The following SMPD4 variants were observed in gnomAD, a reference collection of about 807,000 sequenced individuals.
SMPD4 encodes the protein sphingomyelin phosphodiesterase 4.
In SMPD4, 58 loss-of-function variants were observed where a neutral mutation model predicts 97.8. The ratio of observed to expected loss-of-function variants is 0.59; its 90% CI spans 0.48 to 0.74. The LOEUF is 0.74. Among genes scored for constraint, SMPD4 ranks in the 30% least tolerant of loss-of-function variants. SMPD4 has a pLI of 0.00. For missense variants in SMPD4, 853 were observed against 1,080.5 expected, an observed-to-expected ratio of 0.79 and a Z score of 2.95; for synonymous variants, 388 against 450.0, an observed-to-expected ratio of 0.86 and a Z score of 1.74.
At chr2:130,157,516 G>A in intron 11 of SMPD4, 120 bp from the exon 12 acceptor site, 4 of 1,519,270 alleles carry the variant, frequency 2.6e-6, no homozygotes, top group East Asian at 2.4e-5. Flanking sequence ...CGGGAGGCAT[G>A]AGCCAGGCCA....
chr2:130,170,458 C>CAAAAAAAAAAAAAAAAAAAAAAAA (rs556058599), intron 8 of SMPD4, among the ~76,000 whole-genome samples: 3 of 64,674 alleles, frequency 4.6e-5, no homozygotes, highest in African/African-American at 6.2e-5. Context: ...AAGACCCTGT[C>CAAAAAAAAAAAAAAAAAAAAAAAA]AAAAAAAAAA....
In SMPD4 at chr2:130,152,322, C is replaced by A. The variant is rs1342201409; in HGVS notation, c.*233G>T. On this transcript the variant is annotated 3_prime_UTR_variant, in exon 20 of 20. Coordinates refer to ENST00000680298, the MANE Select transcript of SMPD4 (RefSeq NM_017951.5). ...AGGGAAAGGCCGCCGCTGAGCTCTGCGCTGTCACAGAGCGTAGCTGTTGAG... is the reference window on the plus strand; with the variant it reads ...AGGGAAAGGCCGCCGCTGAGCTCTGAGCTGTCACAGAGCGTAGCTGTTGAG... 1.4e-5 allele frequency: 8 copies of A among 554,960 alleles called. No individual in the cohort carries two copies. The highest frequency in any genetic ancestry group is 6.5e-5 in the Admixed American group (2 of 30,960). The allele number at this position is 554,960 out of a possible 1,614,324, so 34.4% of individuals were successfully genotyped here.
rs1686280191 is a variant in SMPD4, at chr2:130,151,876, T to C, written c.*679A>G. The C allele has an allele frequency of 6.6e-6, 1 of 152,352 alleles. No homozygotes were observed. The allele number at this position is 152,352 out of a possible 1,614,324, so 9.4% of individuals were successfully genotyped here. On this transcript the variant is annotated 3_prime_UTR_variant, in exon 20 of 20. Transcript: ENST00000680298. ...TGTGACAAGGCACAGGGGTCCGCGA[T>C]GTTGGCCACTGCTTTGGGTGATGTG... is the stretch of plus-strand genomic sequence containing the variant.
rs1489512582 is a variant in SMPD4 at position 130,172,434 on chromosome 2, G to A, written c.574C>T (p.Leu192=). Reference sequence around the variant, plus strand: ...CCTTCGGTGGGCAGGAACCATGACAGGTACCTGTCCACCAGGATGAAATAG... The same window carrying A: ...CCTTCGGTGGGCAGGAACCATGACAAGTACCTGTCCACCAGGATGAAATAG... ...CAYFILVDRY[L]SWFLPTEGSV... Residue 192 remains leucine, a synonymous_variant, in exon 8 of 20, where the codon CTG becomes TTG. Transcript: ENST00000680298. 1.2e-6 allele frequency: 2 copies of A among 1,612,390 alleles called. No individual in the cohort carries two copies. Among genetic ancestry groups the A allele is most frequent in the South Asian group, 2.2e-5 (2 of 90,832 alleles).
intron 8 of SMPD4, among the ~76,000 whole-genome samples, chr2:130,171,121 A>C (rs1688417056): frequency 7.4e-6 from 1 of 134,298 alleles, no homozygotes; most frequent in African/African-American, 3.3e-5. Context: ...AACCATATAT[A>C]TATAATTTCT....
Position 130,154,700 on chromosome 2 carries a change from G to A in SMPD4, c.1454-218C>T, listed in dbSNP as rs191950713. On this transcript the variant is annotated intron_variant, in intron 15 of 19. Coordinates refer to ENST00000680298, the MANE Select transcript of SMPD4 (RefSeq NM_017951.5). ...GCTCACAGAGCCCCTAGCAGTGTCTGCAGGAGGTAAACAACAGGAGGATCG... is the reference window on the plus strand; with the variant it reads ...GCTCACAGAGCCCCTAGCAGTGTCTACAGGAGGTAAACAACAGGAGGATCG... 3.3e-5 allele frequency: 20 copies of A among 610,280 alleles called. No homozygotes were observed. In the African/African-American group the frequency reaches 3.3e-4, roughly 10 times the overall value. 37.8% of individuals were successfully genotyped at this position (610,280 alleles called of 1,614,324 possible). A position where few individuals can be genotyped will look rare whatever the true frequency, so the allele number is the denominator to read the frequency against.
At chr2:130,178,944 TAC>T (rs990219676) in intron 1 of SMPD4, among the ~76,000 whole-genome samples, 3 of 152,152 alleles carry the variant, frequency 2.0e-5, no homozygotes, top group Non-Finnish European at 2.9e-5. Flanking sequence ...GTGGGCTAGT[TAC>T]AGTTTTCATG....
Position 130,152,298 on chromosome 2 carries a change from G to A in SMPD4, c.*257C>T, listed in dbSNP as rs1368246808. 2 of 433,528 alleles carry A rather than the reference G, an allele frequency of 4.6e-6. No homozygotes were observed. The highest frequency in any genetic ancestry group is 8.2e-6 in the Non-Finnish European group (2 of 244,450). 26.9% of individuals were successfully genotyped at this position (433,528 alleles called of 1,614,324 possible). Reference sequence around the variant, plus strand: ...TGGCCGTGAGTCCTTGGCGGAGGGAGGGAAAGGCCGCCGCTGAGCTCTGCG... The same window carrying A: ...TGGCCGTGAGTCCTTGGCGGAGGGAAGGAAAGGCCGCCGCTGAGCTCTGCG... On this transcript the variant is annotated 3_prime_UTR_variant, in exon 20 of 20. Coordinates refer to ENST00000680298, the MANE Select transcript of SMPD4 (RefSeq NM_017951.5).
rs775721583 is a variant in SMPD4, at chr2:130,157,251, C to T, written c.1097G>A (p.Arg366Gln). 54 of 1,541,942 alleles carry T rather than the reference C, an allele frequency of 3.5e-5. No individual in the cohort carries two copies. Among genetic ancestry groups the T allele is most frequent in the Middle Eastern group, 2.3e-4 (1 of 4,338 alleles). Residue 366 changes from arginine to glutamine, a missense_variant and splice_region_variant, in exon 12 of 20, where the codon CGG becomes CAG. Physicochemically the swap from Arg to Gln is conservative, Grantham distance 43 (BLOSUM62 1). Coordinates refer to ENST00000680298, the MANE Select transcript of SMPD4 (RefSeq NM_017951.5). Reference sequence around the variant, plus strand: ...GTGGGAAGCCGCAAGGGCCACCCACCGTTTGAACTCCTCCAGGGGGCTGGT... The same window carrying T: ...GTGGGAAGCCGCAAGGGCCACCCACTGTTTGAACTCCTCCAGGGGGCTGGT... Reference protein sequence around the residue: ...HATSPLEEFKRAAVPRFVQQK... With the variant: ...HATSPLEEFKQAAVPRFVQQK...
At chr2:130,165,921 A>C (rs1401619297) in intron 9 of SMPD4, among the ~76,000 whole-genome samples, 1 of 152,204 alleles carries the variant, frequency 6.6e-6, no homozygotes, top group Non-Finnish European at 1.5e-5. Context: ...GATTGCATGC[A>C]CAACAACATG....
chr2:130,170,452 C>A (rs554444332), intron 8 of SMPD4, among the ~76,000 whole-genome samples: 4 of 50,718 alleles, frequency 7.9e-5, no homozygotes, highest in East Asian at 6.5e-4. Flanking sequence ...CAGAGTAAGA[C>A]CCTGTCAAAA....
chr2:130,179,937 G>A (rs1689360313), intron 1 of SMPD4, among the ~76,000 whole-genome samples: 2 of 151,116 alleles, frequency 1.3e-5, no homozygotes, highest in African/African-American at 4.9e-5. Flanking sequence ...ACAGACGTGA[G>A]TCACCATGCC....
At position 130,153,131 on chromosome 2, in the gene SMPD4, C is replaced by A; in HGVS notation, c.2066G>T (p.Gly689Val). 1 of 1,613,882 alleles carries A rather than the reference C, an allele frequency of 6.2e-7. No individual in the cohort carries two copies. The change falls in exon 19 of 20, where the codon GGG becomes GTG. Residue 689 changes from glycine (G) to valine (V), a missense_variant. By Grantham distance (109) the Gly-to-Val change is moderately radical. Transcript: ENST00000680298. ...CCGGATGGGCTGCAGCTCCGGGTCC[C>A]CCTGGTACTCAATTTCAAACCTTCG... ...GLRRFEIEYQ[G>V]DPELQPIRSY...
At chr2:130,177,395 T>G (rs1371634546) in intron 1 of SMPD4, among the ~76,000 whole-genome samples, 2 of 152,088 alleles carry the variant, frequency 1.3e-5, no homozygotes, top group Non-Finnish European at 2.9e-5. Flanking sequence ...AATTCCCATC[T>G]TTTATAGAAA....
chr2:130,156,449 T>C (rs184352704), intron 13 of SMPD4, 136 bp downstream of exon 13: 15 of 871,430 alleles, frequency 1.7e-5, no homozygotes, highest in East Asian at 5.3e-5. Flanking sequence ...GAAAGAACAA[T>C]GTGGCCCTCC....
chr2:130,178,330 T>C (rs3958694), intron 1 of SMPD4, among the ~76,000 whole-genome samples: 1 of 152,144 alleles, frequency 6.6e-6, no homozygotes, highest in Non-Finnish European at 1.5e-5. Flanking sequence ...AATGGGATAA[T>C]TCACTTACCC....
rs146589132 is a variant in SMPD4, at chr2:130,152,868, G to A, written c.2171C>T (p.Ala724Val). The A allele has an allele frequency of 9.5e-6, 15 of 1,584,184 alleles. No individual in the cohort carries two copies. Among genetic ancestry groups the A allele is most frequent in the African/African-American group, 8.1e-5 (6 of 74,294 alleles). ...AINHRFAGQM[A>V]ALCSRDDFLG... Reference sequence around the variant, plus strand: ...GAAGTCATCCCGGGAACACAGAGCCGCCATCTGTCCTGCAAACTGAAGCAC... The same window carrying A: ...GAAGTCATCCCGGGAACACAGAGCCACCATCTGTCCTGCAAACTGAAGCAC... Residue 724 changes from alanine to valine, a missense_variant, in exon 20 of 20, where the codon GCG becomes GTG. Ala to Val is a moderately conservative substitution (Grantham distance 64). Coordinates refer to ENST00000680298, the MANE Select transcript of SMPD4 (RefSeq NM_017951.5).
At position 130,154,318 on chromosome 2, in the gene SMPD4, A is replaced by G; in HGVS notation, c.1618T>C (p.Cys540Arg). 6.2e-7 allele frequency: 1 copy of G among 1,610,254 alleles called. No homozygotes were observed. Among genetic ancestry groups the G allele is most frequent in the Non-Finnish European group, 8.5e-7 (1 of 1,178,260 alleles). Residue 540 changes from cysteine to arginine, a missense_variant, in exon 16 of 20, where the codon TGC (cysteine) becomes CGC (arginine). Coordinates refer to ENST00000680298, the MANE Select transcript of SMPD4 (RefSeq NM_017951.5). Reference protein sequence around the residue: ...SHVYSLEGQDCKYTPMFGPEA... With the variant: ...SHVYSLEGQDRKYTPMFGPEA... Reference sequence around the variant, plus strand: ...GGCCCAAACATCGGGGTGTACTTGCAGTCCTGGCCCTCCAGGCTGTAGACG... The same window carrying G: ...GGCCCAAACATCGGGGTGTACTTGCGGTCCTGGCCCTCCAGGCTGTAGACG...
intron 8 of SMPD4, among the ~76,000 whole-genome samples, chr2:130,169,385 G>C (rs1285729555): frequency 1.3e-5 from 2 of 152,106 alleles, no homozygotes; most frequent in Non-Finnish European, 2.9e-5. Flanking sequence ...TGACTATATA[G>C]GATAATGCAT....
Sources: gnomAD v4.1 joint callset for allele counts (sites outside exome capture counted in the v4.1 genomes callset) on GRCh38, gnomAD v4.1.1 for gene constraint, MANE v1.5 for transcripts, NCBI Gene and HGNC (gene_info 2026-07-23, HGNC 2026-07-21) for gene names.